Variants in SESTD1 observed in about 807,000 individuals in gnomAD.
The protein encoded by SESTD1 is SEC14 and spectrin domain containing 1.
Under a neutral mutation model 101.7 loss-of-function variants are expected in SESTD1, and 43 were observed. The observed-to-expected ratio is 0.42, with a 90% CI of 0.33 to 0.55. The LOEUF is 0.55. Among genes scored for constraint, SESTD1 ranks in the 20% least tolerant of loss-of-function variants. The pLI is 0.07. For synonymous variants in SESTD1, 283 were observed against 286.8 expected (o/e 0.99, Z 0.13); for missense variants, 647 against 815.1 (o/e 0.79, Z 2.51).
At chr2:179,198,413 A>G (rs2046441281) in intron 1 of SESTD1, among the ~76,000 whole-genome samples, 2 of 152,176 alleles carry the variant, frequency 1.3e-5, no homozygotes, top group African/African-American at 4.8e-5. Flanking sequence ...GAAAGCCAAC[A>G]AGGATACCCA....
At chr2:179,244,775 CCTTT>C (rs1425847689) in intron 1 of SESTD1, among the ~76,000 whole-genome samples, 1 of 152,114 alleles carries the variant, frequency 6.6e-6, no homozygotes, top group Non-Finnish European at 1.5e-5. Context: ...CAATAGGCTT[CCTTT>C]GTCTTGAGTT....
intron 9 of SESTD1, among the ~76,000 whole-genome samples, chr2:179,138,712 C>T (rs749803369): frequency 5.3e-5 from 8 of 151,516 alleles, no homozygotes; most frequent in South Asian, 2.1e-4. Flanking sequence ...ATAAAATACA[C>T]GCCAAAAAAA....
chr2:179,206,214 C>T lies in SESTD1; in HGVS notation c.-25-14348G>A, dbSNP rs2046588777. Among the ~76,000 whole-genome samples, 2 of 135,310 alleles carry T rather than the reference C, an allele frequency of 1.5e-5. 1 individual carries two copies. The highest frequency in any genetic ancestry group is 3.2e-5 in the Non-Finnish European group (2 of 62,906). The allele number at this position is 135,310 out of a possible 152,430, so 88.8% of individuals were successfully genotyped here. ...AGCATCTGGAGACGCATATTGTTAA[C>T]TTTTGTTCCAAGAATGACCACAGGA... On this transcript the variant is annotated intron_variant, in intron 1 of 17. Transcript: ENST00000428443.
Position 179,109,813 on chromosome 2 carries a change from G to A in SESTD1, c.*86C>T. The A allele has an allele frequency of 1.3e-6, 2 of 1,491,184 alleles. No homozygotes were observed. Among genetic ancestry groups the A allele is most frequent in the South Asian group, 1.3e-5 (1 of 75,220 alleles). The allele number at this position is 1,491,184 out of a possible 1,614,324, so 92.4% of individuals were successfully genotyped here. A position where few individuals can be genotyped will look rare whatever the true frequency, so the allele number is the denominator to read the frequency against. ...ATGAGACTTATTTTGGCTGTGAAAT[G>A]CATCTTAAGGTGTGGTGGCTAATGC... On this transcript the variant is annotated 3_prime_UTR_variant, in exon 18 of 18. Transcript: ENST00000428443.
At chr2:179,244,839 A>G (rs549432970) in intron 1 of SESTD1, among the ~76,000 whole-genome samples, 1 of 152,306 alleles carries the variant, frequency 6.6e-6, no homozygotes, top group African/African-American at 2.4e-5. Context: ...GTCTGACATG[A>G]TTCTAAATGT....
intron 1 of SESTD1, among the ~76,000 whole-genome samples, chr2:179,257,793 A>G (rs923453036): frequency 6.6e-6 from 1 of 152,210 alleles, no homozygotes; most frequent in African/African-American, 2.4e-5. Context: ...CAAAAAGGAA[A>G]ACCCAGGCAA....
At chr2:179,256,350 C>T (rs184451839) in intron 1 of SESTD1, among the ~76,000 whole-genome samples, 3 of 152,270 alleles carry the variant, frequency 2.0e-5, no homozygotes, top group African/African-American at 4.8e-5. Flanking sequence ...AATATACTGA[C>T]ATGAATAGGA....
chr2:179,240,673 A>C (rs1332458220), intron 1 of SESTD1, among the ~76,000 whole-genome samples: 1 of 152,212 alleles, frequency 6.6e-6, no homozygotes, highest in East Asian at 1.9e-4. Flanking sequence ...AAAATACACA[A>C]AACACTGGCC....
intron 1 of SESTD1, among the ~76,000 whole-genome samples, chr2:179,235,638 T>C (rs955549363): frequency 3.3e-5 from 5 of 152,284 alleles, no homozygotes; most frequent in East Asian, 3.9e-4. Flanking sequence ...AACAGCACTA[T>C]TGCCTCAATT....
chr2:179,176,555 T>C lies in SESTD1; in HGVS notation c.165-17A>G. 1.3e-6 allele frequency: 2 copies of C among 1,597,578 alleles called. No homozygotes were observed. Among genetic ancestry groups the C allele is most frequent in the Non-Finnish European group, 1.7e-6 (2 of 1,168,402 alleles). On this transcript the variant is annotated splice_polypyrimidine_tract_variant and intron_variant, in intron 3 of 17. Coordinates refer to ENST00000428443, the MANE Select transcript of SESTD1 (RefSeq NM_178123.5). ...CACTTCTCACTGAAACAAAATAAAA[T>C]TACAAAGCATTAAAACAAGCTCCAG... is the stretch of plus-strand genomic sequence containing the variant.
intron 9 of SESTD1, among the ~76,000 whole-genome samples, chr2:179,136,096 T>C (rs1195704079): frequency 6.6e-6 from 1 of 152,180 alleles, no homozygotes; most frequent in Non-Finnish European, 1.5e-5. Flanking sequence ...GCCCTAGCCA[T>C]GATTCTGAAT....
At chr2:179,145,271 C>A (rs114545006) in intron 8 of SESTD1, among the ~76,000 whole-genome samples, 2,440 of 152,224 alleles carry the variant, frequency 0.016, 28 homozygotes, top group South Asian at 0.046. Context: ...AGCAGCATAG[C>A]ATAATGATTT....
At chr2:179,141,636 T>C (rs748849482) in intron 9 of SESTD1, among the ~76,000 whole-genome samples, 2 of 152,140 alleles carry the variant, frequency 1.3e-5, no homozygotes, top group Non-Finnish European at 2.9e-5. Flanking sequence ...TAGGTATTAT[T>C]GTTGTTGCGG....
intron 3 of SESTD1, among the ~76,000 whole-genome samples, chr2:179,178,522 CTG>C (rs1559130305): frequency 6.6e-6 from 1 of 152,236 alleles, no homozygotes; most frequent in South Asian, 2.1e-4. Flanking sequence ...CAATGACTAT[CTG>C]TGGGCTCAAG....
chr2:179,150,315 A>G (rs1353832648), intron 6 of SESTD1, among the ~76,000 whole-genome samples: 1 of 152,104 alleles, frequency 6.6e-6, no homozygotes, highest in African/African-American at 2.4e-5. Context: ...ATCTAAAATG[A>G]GTTAATCTGA....
At chr2:179,244,977 T>C (rs534686953) in intron 1 of SESTD1, among the ~76,000 whole-genome samples, 1 of 152,312 alleles carries the variant, frequency 6.6e-6, no homozygotes, top group South Asian at 2.1e-4. Flanking sequence ...AAATTATGTA[T>C]ATACAATTAA....
chr2:179,240,798 G>A (rs1369514546), intron 1 of SESTD1, among the ~76,000 whole-genome samples: 1 of 152,072 alleles, frequency 6.6e-6, no homozygotes, highest in Non-Finnish European at 1.5e-5. Flanking sequence ...AGCCAAGTAG[G>A]GATCCAACAC....
chr2:179,144,909 T>C (rs10221811), intron 8 of SESTD1, among the ~76,000 whole-genome samples: 1,753 of 152,096 alleles, frequency 0.012, 30 homozygotes, highest in African/African-American at 0.037. Flanking sequence ...AACATATATA[T>C]GGAATTAAGT....
intron 1 of SESTD1, among the ~76,000 whole-genome samples, chr2:179,195,995 G>C (rs2046385928): frequency 6.6e-6 from 1 of 152,150 alleles, no homozygotes. Flanking sequence ...ACAGCCCCCA[G>C]CATGAACGAC....
Sources: allele counts gnomAD v4.1 joint callset (sites outside exome capture counted in the v4.1 genomes callset), GRCh38; gene constraint gnomAD v4.1.1; transcripts MANE v1.5; gene names NCBI Gene and HGNC (gene_info 2026-07-23, HGNC 2026-07-21).